Variants in CDKL1 observed in about 807,000 individuals in gnomAD.
The protein encoded by CDKL1 is cyclin-dependent kinase-like 1.
A neutral mutation model predicts 42.0 loss-of-function variants in CDKL1; 41 were observed. That is an observed-to-expected ratio of 0.98 (90% CI 0.76 to 1.27). The LOEUF (loss-of-function observed/expected upper bound fraction) is 1.27. CDKL1 is among the 50% of genes most tolerant of loss of function. The pLI is 0.00. For missense variants in CDKL1, 394 were observed against 428.4 expected (o/e 0.92, Z 0.71); for synonymous variants, 153 against 158.6 (o/e 0.96, Z 0.26).
At chr14:50,342,817 G>C (rs1197693708) in intron 4 of CDKL1, 27 of 1,133,706 alleles carry the variant, frequency 2.4e-5, no homozygotes, top group Non-Finnish European at 2.2e-5. Context: ...GGGAAGAGAA[G>C]GGTGGCAACC....
upstream of CDKL1, chr14:50,396,974 C>G (rs1362041919): frequency 2.5e-6 from 2 of 796,532 alleles, no homozygotes; most frequent in East Asian, 1.7e-4. Flanking sequence ...CTTCCCACCC[C>G]CGGCCCGGCC....
At chr14:50,354,676 T>G (rs1016567785) in intron 3 of CDKL1, among the ~76,000 whole-genome samples, 11 of 152,250 alleles carry the variant, frequency 7.2e-5, no homozygotes, top group African/African-American at 2.7e-4. Context: ...ATAATTGACA[T>G]GTATTCATGT....
intron 2 of CDKL1, among the ~76,000 whole-genome samples, chr14:50,368,762 G>A (rs1280299762): frequency 1.3e-5 from 2 of 152,016 alleles, no homozygotes; most frequent in African/African-American, 4.8e-5. Context: ...GTCTTCATTG[G>A]GCACCCATCT....
rs34614605 is a variant in CDKL1, at chr14:50,369,608, GCACACA to G, written c.169-10465_169-10460del. Among the ~76,000 whole-genome samples the G allele has an allele frequency of 9.2e-4, 132 of 143,970 alleles. 1 individual carries two copies. The highest frequency in any genetic ancestry group is 7.4e-4 in the Non-Finnish European group (49 of 66,170). 94.4% of individuals were successfully genotyped at this position (143,970 alleles called of 152,430 possible). On this transcript the variant is annotated intron_variant, in intron 2 of 9. Transcript: ENST00000395834. ...TTATATATAATATATATACACACAT[GCACACA>G]CACACACACACACACACACACATAT...
At chr14:50,376,749 C>A (rs1006574397) in intron 2 of CDKL1, among the ~76,000 whole-genome samples, 3 of 152,056 alleles carry the variant, frequency 2.0e-5, no homozygotes, top group Non-Finnish European at 2.9e-5. Flanking sequence ...CTATATTGAG[C>A]CCTCTGCTCT....
chr14:50,379,539 T>G (rs898272633), intron 2 of CDKL1, among the ~76,000 whole-genome samples: 3 of 152,178 alleles, frequency 2.0e-5, no homozygotes, highest in Non-Finnish European at 4.4e-5. Context: ...GACCAGGTGC[T>G]TACAGTGGCA....
At chr14:50,346,748 T>G (rs2033741453) in intron 3 of CDKL1, among the ~76,000 whole-genome samples, 1 of 150,520 alleles carries the variant, frequency 6.6e-6, no homozygotes, top group Non-Finnish European at 1.5e-5. Context: ...CCTCCCAGGT[T>G]CAAGCGATTC....
chr14:50,336,367 C>T lies in CDKL1; in HGVS notation c.739-1746G>A, dbSNP rs2033277515. On this transcript the variant is annotated intron_variant, in intron 7 of 9. Coordinates refer to ENST00000395834, the MANE Select transcript of CDKL1 (RefSeq NM_004196.7). ...TGGGTTATTTCTGAGGCTTCACCAA[C>T]AGACAAGTGAACAGGAAATCACTAG... 5 of 762,752 alleles carry T rather than the reference C, an allele frequency of 6.6e-6. No homozygotes were observed. In the South Asian group the frequency reaches 8.9e-5, roughly 14 times the overall value. The allele number at this position is 762,752 out of a possible 1,614,324, so 47.2% of individuals were successfully genotyped here.
At chr14:50,379,716 A>G (rs1226701211) in intron 2 of CDKL1, among the ~76,000 whole-genome samples, 11 of 152,186 alleles carry the variant, frequency 7.2e-5, no homozygotes. Flanking sequence ...GAGCAAGCAG[A>G]AGGTTGGTGT....
chr14:50,340,335 CATGGCG>C (rs760362053), intron 6 of CDKL1, among the ~76,000 whole-genome samples: 1 of 152,194 alleles, frequency 6.6e-6, no homozygotes, highest in Non-Finnish European at 1.5e-5. Flanking sequence ...CAAGGGAAGG[CATGGCG>C]ATGGCAGTTC....
intron 2 of CDKL1, among the ~76,000 whole-genome samples, chr14:50,393,626 G>A (rs2035319866): frequency 1.3e-5 from 2 of 152,142 alleles, no homozygotes; most frequent in Non-Finnish European, 2.9e-5. Context: ...AGGACCACAG[G>A]CACGCACCAC....
chr14:50,395,837 C>T lies in CDKL1; in HGVS notation c.32G>A (p.Gly11Glu), dbSNP rs962845601. 1 of 1,610,990 alleles carries T rather than the reference C, an allele frequency of 6.2e-7. No individual in the cohort carries two copies. The highest frequency in any genetic ancestry group is 1.1e-5 in the South Asian group (1 of 91,012). ...GAAAACAACTCCATAGGATCCTTCT[C>T]CAATTTTCCCAATTTTTTCATACTT... MEKYEKIGKIGEGSYGVVFKC... is the reference protein window; with the variant it reads MEKYEKIGKIEEGSYGVVFKC... The change falls in exon 2 of 10, where the codon GGA becomes GAA. Residue 11 changes from glycine (G) to glutamate (E), a missense_variant. Coordinates refer to ENST00000395834, the MANE Select transcript of CDKL1 (RefSeq NM_004196.7).
intron 2 of CDKL1, chr14:50,363,420 G>A (rs2139465430): frequency 6.5e-6 from 1 of 152,698 alleles, no homozygotes; most frequent in East Asian, 1.9e-4. Flanking sequence ...CCTCTGAATT[G>A]GATTGACTAA....
chr14:50,360,775 CGTGTGTGTGTTTGT>C (rs2034215485), intron 2 of CDKL1, among the ~76,000 whole-genome samples: 1 of 120,626 alleles, frequency 8.3e-6, no homozygotes, highest in South Asian at 2.8e-4. Context: ...GAATGATAGA[CGTGTGTGTGTTTGT>C]GTGTGTGTGT....
intron 4 of CDKL1, 127 bp downstream of exon 4, chr14:50,344,859 C>A: frequency 2.9e-6 from 2 of 695,222 alleles, no homozygotes; most frequent in Middle Eastern, 2.7e-4. Flanking sequence ...CTATACTTAC[C>A]CAACCAGGCT....
intron 2 of CDKL1, among the ~76,000 whole-genome samples, chr14:50,391,829 A>G (rs2035265347): frequency 6.6e-6 from 1 of 152,170 alleles, no homozygotes; most frequent in Non-Finnish European, 1.5e-5. Context: ...ATACAAATGT[A>G]CTTCTCACTC....
chr14:50,360,709 A>G (rs960569306), intron 2 of CDKL1, among the ~76,000 whole-genome samples: 1 of 151,984 alleles, frequency 6.6e-6, no homozygotes, highest in Non-Finnish European at 1.5e-5. Context: ...CCCGGCCATG[A>G]GCCACCGCGC....
intron 3 of CDKL1, among the ~76,000 whole-genome samples, chr14:50,353,543 G>C (rs58173551): frequency 0.026 from 3,970 of 151,974 alleles, 187 homozygotes; most frequent in African/African-American, 0.09. Flanking sequence ...TTATCCTAAA[G>C]AAATATTTAC....
intron 4 of CDKL1, 133 bp from the exon 5 acceptor site, chr14:50,342,355 G>A: frequency 1.4e-6 from 2 of 1,457,564 alleles, no homozygotes; most frequent in South Asian, 2.7e-5. Context: ...AACAGCAAAA[G>A]AGCAGCCTAA....
Sources: gnomAD v4.1 joint callset for allele counts (sites outside exome capture counted in the v4.1 genomes callset) on GRCh38, gnomAD v4.1.1 for gene constraint, MANE v1.5 for transcripts, NCBI Gene and HGNC (gene_info 2026-07-23, HGNC 2026-07-21) for gene names.